Variants in SF3A2 observed in about 807,000 individuals in gnomAD.
SF3A2 encodes splicing factor 3a subunit 2.
SF3A2 carries 5 observed loss-of-function variants against 31.1 expected under a neutral mutation model. That is an observed-to-expected ratio of 0.16 (90% CI 0.08 to 0.34). The LOEUF (loss-of-function observed/expected upper bound fraction) is 0.34. SF3A2 is among the 10% of genes least tolerant of loss of function. The pLI is 1.00. For synonymous variants in SF3A2, 365 were observed against 263.7 expected (o/e 1.38, Z -3.72); for missense variants, 577 against 643.9 (o/e 0.90, Z 1.13).
At chr19:2,240,749 A>G (rs1489943985) in intron 1 of SF3A2, among the ~76,000 whole-genome samples, 1 of 152,220 alleles carries the variant, frequency 6.6e-6, no homozygotes, top group African/African-American at 2.4e-5. Flanking sequence ...AAGTCCTCCC[A>G]GCCATCGTGT....
chr19:2,248,056 A>AT lies in SF3A2; in HGVS notation c.906dup (p.Pro303SerfsTer?). The AT allele has an allele frequency of 1.1e-6, 1 of 898,818 alleles. No individual in the cohort carries two copies. The highest frequency in any genetic ancestry group is 3.4e-4 in the Middle Eastern group (1 of 2,936). The allele number at this position is 898,818 out of a possible 1,614,324, so 55.7% of individuals were successfully genotyped here. The stretch of plus-strand genomic sequence containing the variant: ...GTGCATCCCCCTGCATCTGGGGTCC[A>AT]TCCCCCAGCTCCTGGCGTCCACCCC... On this transcript the variant is annotated frameshift_variant, in exon 9 of 9. Coordinates refer to ENST00000221494, the MANE Select transcript of SF3A2 (RefSeq NM_007165.5). LOFTEE classifies it low-confidence loss of function (END_TRUNC).
At position 2,247,632 on chromosome 19, in the gene SF3A2, C is replaced by T; in HGVS notation, c.585C>T (p.Phe195=). The T allele has an allele frequency of 1.2e-6, 2 of 1,613,452 alleles. No homozygotes were observed. The highest frequency in any genetic ancestry group is 4.5e-5 in the East Asian group (2 of 44,874). The change falls in exon 8 of 9, where the codon TTC becomes TTT. Residue 195 remains phenylalanine (F), a synonymous_variant. Coordinates refer to ENST00000221494, the MANE Select transcript of SF3A2 (RefSeq NM_007165.5). ...SREIDKAEGK[F]WTHWNRETKQ... is the part of the protein sequence containing the mutation. ...AGATCGACAAGGCGGAGGGCAAGTT[C>T]TGGACACACTGGAACCGGGAGACCA... is the stretch of plus-strand genomic sequence containing the variant.
intron 1 of SF3A2, among the ~76,000 whole-genome samples, chr19:2,239,533 C>T (rs1169312440): frequency 1.3e-5 from 2 of 152,148 alleles, no homozygotes; most frequent in African/African-American, 2.4e-5. Context: ...CGTAAAATTT[C>T]CTGATTTCCT....
At chr19:2,241,207 G>A (rs1401926914) in intron 1 of SF3A2, among the ~76,000 whole-genome samples, 2 of 152,242 alleles carry the variant, frequency 1.3e-5, no homozygotes, top group African/African-American at 2.4e-5. Context: ...ATGACGCCCC[G>A]AGATCTGTGT....
Position 2,248,522 on chromosome 19 carries a change from A to T in SF3A2, c.1371A>T (p.Ile457=). 1.9e-6 allele frequency: 2 copies of T among 1,052,946 alleles called. No homozygotes were observed. The highest frequency in any genetic ancestry group is 2.5e-6 in the Non-Finnish European group (2 of 815,650). 65.2% of individuals were successfully genotyped at this position (1,052,946 alleles called of 1,614,324 possible). Residue 457 remains isoleucine, a synonymous_variant, in exon 9 of 9, where the codon ATA becomes ATT. Transcript: ENST00000221494. ...PPLPSEGPGN[I]PPPPPTN Reference sequence around the variant, plus strand: ...TTCCCTCCGAAGGCCCAGGGAACATACCTCCCCCTCCCCCAACCAACTGAG... The same window carrying T: ...TTCCCTCCGAAGGCCCAGGGAACATTCCTCCCCCTCCCCCAACCAACTGAG...
At position 2,246,941 on chromosome 19, in the gene SF3A2, C is replaced by T. The variant is rs370185472; in HGVS notation, c.465C>T (p.Tyr155=). 40 of 1,609,088 alleles carry T rather than the reference C, an allele frequency of 2.5e-5. No homozygotes were observed. Among genetic ancestry groups the T allele is most frequent in the African/African-American group, 5.4e-5 (4 of 74,640 alleles). The part of the protein sequence containing the change: ...IMPRHRFMSA[Y]EQRIEPPDRR... ...CACGTCACCGCTTCATGTCTGCGTA[C>T]GAGCAGAGGATCGAGCCTCCGGACC... The change falls in exon 7 of 9, where the codon TAC becomes TAT. Residue 155 remains tyrosine, a synonymous_variant. Transcript: ENST00000221494. The surrounding 1 kb of genome is among the most constrained non-coding windows in gnomAD (Gnocchi z 5.5).
rs2024969206 is a variant in SF3A2, at chr19:2,248,520, A to G, written c.1369A>G (p.Ile457Val). Residue 457 changes from isoleucine to valine, a missense_variant, in exon 9 of 9, where the codon ATA (isoleucine) becomes GTA (valine). Ile to Val is a conservative substitution (Grantham distance 29, BLOSUM62 3). This residue lies in a region of SF3A2 where 462 missense variants were observed against 339.1 expected (regional missense o/e 1.36). Transcript: ENST00000221494. ...PPLPSEGPGN[I>V]PPPPPTN is the part of the protein sequence containing the mutation. ...ACTTCCCTCCGAAGGCCCAGGGAACATACCTCCCCCTCCCCCAACCAACTG... is the reference window on the plus strand; with the variant it reads ...ACTTCCCTCCGAAGGCCCAGGGAACGTACCTCCCCCTCCCCCAACCAACTG... The G allele has an allele frequency of 1.8e-6, 2 of 1,120,408 alleles. No individual in the cohort carries two copies. The highest frequency in any genetic ancestry group is 1.2e-6 in the Non-Finnish European group (1 of 867,232). The allele number at this position is 1,120,408 out of a possible 1,614,324, so 69.4% of individuals were successfully genotyped here.
Position 2,248,557 on chromosome 19 carries a change from C to T in SF3A2, c.*11C>T, listed in dbSNP as rs775137814. 1.0e-6 allele frequency: 1 copy of T among 973,352 alleles called. No individual in the cohort carries two copies. Among genetic ancestry groups the T allele is most frequent in the Non-Finnish European group, 1.4e-6 (1 of 716,942 alleles). 60.3% of individuals were successfully genotyped at this position (973,352 alleles called of 1,614,324 possible). ...CCCCCAACCAACTGAGAAGCTGCTC[C>T]CTCCCCCAGCAAGCCCAGCGCCAGG... On this transcript the variant is annotated 3_prime_UTR_variant, in exon 9 of 9. Coordinates refer to ENST00000221494, the MANE Select transcript of SF3A2 (RefSeq NM_007165.5).
chr19:2,247,735 CGT>C, intron 8 of SF3A2, 30 bp from the exon 9 acceptor site: 1 of 1,611,564 alleles, frequency 6.2e-7, no homozygotes, highest in South Asian at 1.1e-5. Context: ...TAGCCCCACC[CGT>C]GCCTGCTGAA....
At chr19:2,241,121 G>A (rs2024885128) in intron 1 of SF3A2, among the ~76,000 whole-genome samples, 1 of 152,218 alleles carries the variant, frequency 6.6e-6, no homozygotes, top group Non-Finnish European at 1.5e-5. Context: ...ACAGGGACAA[G>A]CAGGGCGTTC....
chr19:2,243,504 G>T lies in SF3A2; in HGVS notation c.86G>T (p.Arg29Leu). Residue 29 changes from arginine (R) to leucine (L), a missense_variant, in exon 2 of 9, where the codon CGC becomes CTC. Coordinates refer to ENST00000221494, the MANE Select transcript of SF3A2 (RefSeq NM_007165.5). Reference sequence around the variant, plus strand: ...GAGAGCAACCGTGACCGCAGGGAGCGCCTCCGGCAGCTGGCCCTGGAGACC... The same window carrying T: ...GAGAGCAACCGTGACCGCAGGGAGCTCCTCCGGCAGCTGGCCCTGGAGACC... ...SSESNRDRRERLRQLALETID... is the reference protein window; with the variant it reads ...SSESNRDRRELLRQLALETID... 6.5e-7 allele frequency: 1 copy of T among 1,547,424 alleles called. No individual in the cohort carries two copies. The highest frequency in any genetic ancestry group is 8.7e-7 in the Non-Finnish European group (1 of 1,155,454).
chr19:2,248,199 G>A lies in SF3A2; in HGVS notation c.1048G>A (p.Val350Ile), dbSNP rs1200708083. The A allele has an allele frequency of 1.6e-5, 23 of 1,450,778 alleles. No homozygotes were observed. In the African/African-American group the frequency reaches 2.3e-4, roughly 15 times the overall value. 89.9% of individuals were successfully genotyped at this position (1,450,778 alleles called of 1,614,324 possible). ...APGVHPPAPGVHPPAPGVHPP... is the reference protein window; with the variant it reads ...APGVHPPAPGIHPPAPGVHPP... Reference sequence around the variant, plus strand: ...CGGGGTTCACCCACCAGCCCCCGGAGTCCACCCACCAGCCCCTGGGGTTCA... The same window carrying A: ...CGGGGTTCACCCACCAGCCCCCGGAATCCACCCACCAGCCCCTGGGGTTCA... The change falls in exon 9 of 9, where the codon GTC becomes ATC. Residue 350 changes from valine to isoleucine, a missense_variant. By Grantham distance (29) the Val-to-Ile change is conservative (BLOSUM62 3). Coordinates refer to ENST00000221494, the MANE Select transcript of SF3A2 (RefSeq NM_007165.5).
At position 2,246,667 on chromosome 19, in the gene SF3A2, G is replaced by A. The variant is rs936578030; in HGVS notation, c.356-86G>A. 12 of 1,529,086 alleles carry A rather than the reference G, an allele frequency of 7.8e-6. No individual in the cohort carries two copies. Among genetic ancestry groups the A allele is most frequent in the South Asian group, 2.3e-5 (2 of 87,882 alleles). The allele number at this position is 1,529,086 out of a possible 1,614,324, so 94.7% of individuals were successfully genotyped here. A position where few individuals can be genotyped will look rare whatever the true frequency, so the allele number is the denominator to read the frequency against. On this transcript the variant is annotated intron_variant, in intron 5 of 8. Transcript: ENST00000221494. This position sits in a 1 kb window ranked among gnomAD's most constrained non-coding sequence, Gnocchi z 5.5. ...GGGCCTCCCCCGGGGTCCCGCTCTC[G>A]TTCAGTGGGTGGCATTAGCCTGCCC...
chr19:2,247,442 T>C lies in SF3A2; in HGVS notation c.547-152T>C, dbSNP rs560806701. 2.0e-4 allele frequency: 144 copies of C among 709,730 alleles called. 1 individual carries two copies. The African/African-American group carries it at 2.3e-3, about 11-fold the overall frequency. The allele number at this position is 709,730 out of a possible 1,614,324, so 44.0% of individuals were successfully genotyped here. On this transcript the variant is annotated intron_variant, in intron 7 of 8. Coordinates refer to ENST00000221494, the MANE Select transcript of SF3A2 (RefSeq NM_007165.5). ...GGCCAGGTCTGTTTCACTCCAGAAC[T>C]GAACCCTGTGCCCCACGAAAGTCTT...
chr19:2,243,475 C>A lies in SF3A2; in HGVS notation c.57C>A (p.Ser19=), dbSNP rs1181186725. The change falls in exon 2 of 9, where the codon TCC becomes TCA. Residue 19 remains serine (S), a synonymous_variant. Coordinates refer to ENST00000221494, the MANE Select transcript of SF3A2 (RefSeq NM_007165.5). The part of the protein sequence containing the change: ...GKTGSGGVAS[S]SESNRDRRER... Reference sequence around the variant, plus strand: ...CCGGGAGCGGGGGCGTGGCCTCCTCCTCCGAGAGCAACCGTGACCGCAGGG... The same window carrying A: ...CCGGGAGCGGGGGCGTGGCCTCCTCATCCGAGAGCAACCGTGACCGCAGGG... The A allele has an allele frequency of 6.4e-7, 1 of 1,554,454 alleles. No individual in the cohort carries two copies. The highest frequency in any genetic ancestry group is 8.6e-7 in the Non-Finnish European group (1 of 1,157,942).
chr19:2,241,662 G>A lies in SF3A2; in HGVS notation c.-37-1720G>A, dbSNP rs144609594. 7.6e-4 allele frequency among the ~76,000 whole-genome samples: 115 copies of A among 152,316 alleles called. 1 individual carries two copies. The highest frequency in any genetic ancestry group is 2.7e-3 in the African/African-American group (111 of 41,562). On this transcript the variant is annotated intron_variant, in intron 1 of 8. Transcript: ENST00000221494. ...CATGGAGAGGGTGCAGTTCTCCCTG[G>A]TCCTGAAGAATGTGTGGCCAAGAAG...
Position 2,248,531 on chromosome 19 carries a change from T to A in SF3A2, c.1380T>A (p.Pro460=). The A allele has an allele frequency of 3.1e-6, 3 of 978,178 alleles. No individual in the cohort carries two copies. Among genetic ancestry groups the A allele is most frequent in the Non-Finnish European group, 3.9e-6 (3 of 769,946 alleles). 60.6% of individuals were successfully genotyped at this position (978,178 alleles called of 1,614,324 possible). A position where few individuals can be genotyped will look rare whatever the true frequency, so the allele number is the denominator to read the frequency against. The change falls in exon 9 of 9, where the codon CCT becomes CCA. Residue 460 remains proline, a synonymous_variant. Coordinates refer to ENST00000221494, the MANE Select transcript of SF3A2 (RefSeq NM_007165.5). ...PSEGPGNIPP[P]PPTN ...AAGGCCCAGGGAACATACCTCCCCC[T>A]CCCCCAACCAACTGAGAAGCTGCTC...
intron 1 of SF3A2, chr19:2,237,185 TGGC>T (rs1209284866): frequency 6.6e-6 from 1 of 152,106 alleles, no homozygotes; most frequent in African/African-American, 2.4e-5. Context: ...AGGGAGGCCT[TGGC>T]GGGAGGATCG....
At chr19:2,244,992 C>T (rs1490564631) in intron 4 of SF3A2, 4 of 586,144 alleles carry the variant, frequency 6.8e-6, no homozygotes, top group Admixed American at 3.0e-5. Context: ...CGAGACCAGC[C>T]TGGCCAACAT....
Sources: gnomAD v4.1 joint callset for allele counts (sites outside exome capture counted in the v4.1 genomes callset) on GRCh38, gnomAD v4.1.1 for gene constraint, gnomAD v4.1.1 regional missense constraint, Gnocchi (gnomAD v3.1) non-coding constraint, MANE v1.5 for transcripts, NCBI Gene and HGNC (gene_info 2026-07-23, HGNC 2026-07-21) for gene names.